The following FAM169A variants were observed in gnomAD, a reference collection of about 807,000 sequenced individuals.
FAM169A encodes family with sequence similarity 169 member A.
In FAM169A, 24 loss-of-function variants were observed where a neutral mutation model predicts 75.7. The observed-to-expected ratio is 0.32, with a 90% CI of 0.23 to 0.45. The LOEUF is 0.45. Ranked by LOEUF, FAM169A falls within the 20% of genes least tolerant of loss-of-function variation. The pLI, the probability that FAM169A is intolerant of heterozygous loss-of-function variation, is 1.00. For missense variants in FAM169A, 673 were observed against 784.0 expected (o/e 0.86, Z 1.69); for synonymous variants, 271 against 271.0 (o/e 1.00, Z 0.00).
chr5:74,858,724 C>A (rs1391437013), intron 1 of FAM169A, among the ~76,000 whole-genome samples: 1 of 151,948 alleles, frequency 6.6e-6, no homozygotes, highest in East Asian at 1.9e-4. Context: ...CATGTCCTCC[C>A]GAACCTAAAA....
rs1335347762 is a variant in FAM169A at position 74,812,564 on chromosome 5, G to A, written c.670+1276C>T. Among the ~76,000 whole-genome samples the A allele has an allele frequency of 3.9e-5, 6 of 151,998 alleles. No homozygotes were observed. In the East Asian group the frequency reaches 1.2e-3, roughly 29 times the overall value. ...GGAGTAACTGAGATAACAGGCATAT[G>A]CCACCATTCCCAGCTTCTTTATTTC... is the stretch of plus-strand genomic sequence containing the variant. On this transcript the variant is annotated intron_variant, in intron 6 of 12. Transcript: ENST00000687041.
At chr5:74,850,197 G>C (rs1749368528) in intron 1 of FAM169A, among the ~76,000 whole-genome samples, 1 of 152,216 alleles carries the variant, frequency 6.6e-6, no homozygotes, top group African/African-American at 2.4e-5. Flanking sequence ...CAAAGTGGCT[G>C]AGTAACTTGT....
intron 10 of FAM169A, chr5:74,799,332 G>A (rs2112521340): frequency 1.2e-6 from 2 of 1,606,190 alleles, no homozygotes; most frequent in East Asian, 2.2e-5. Context: ...AATTTGCTGT[G>A]GGAAGTGAAG....
At chr5:74,862,724 T>G (rs2112756031) in intron 1 of FAM169A, among the ~76,000 whole-genome samples, 1 of 152,348 alleles carries the variant, frequency 6.6e-6, no homozygotes, top group Middle Eastern at 3.4e-3. Flanking sequence ...ATTCTATACC[T>G]GAGAAGTTAC....
chr5:74,818,602 T>C (rs1445225683), intron 5 of FAM169A, among the ~76,000 whole-genome samples: 2 of 109,486 alleles, frequency 1.8e-5, no homozygotes, highest in Admixed American at 1.4e-4. Flanking sequence ...AAAGAGTATA[T>C]ACTGTATGTC....
At chr5:74,799,365 C>T in intron 10 of FAM169A, 2 of 1,611,854 alleles carry the variant, frequency 1.2e-6, no homozygotes, top group Non-Finnish European at 1.7e-6. Flanking sequence ...CAGTTTGTTA[C>T]TTTGAGTCTG....
intron 1 of FAM169A, among the ~76,000 whole-genome samples, chr5:74,859,632 TTATAC>T (rs747460528): frequency 6.6e-6 from 1 of 152,196 alleles, no homozygotes; most frequent in Non-Finnish European, 1.5e-5. Context: ...CAACTTGTGG[TTATAC>T]TATATCTCAT....
At chr5:74,800,019 T>C in intron 10 of FAM169A, 1 of 773,522 alleles carries the variant, frequency 1.3e-6, no homozygotes, top group Non-Finnish European at 2.3e-6. Flanking sequence ...TTGTCGCAAA[T>C]ATTGCACTAC....
In FAM169A at chr5:74,813,826, C is replaced by T. The variant is rs376028818; in HGVS notation, c.670+14G>A. The T allele has an allele frequency of 1.3e-6, 2 of 1,504,932 alleles. No homozygotes were observed. Among genetic ancestry groups the T allele is most frequent in the Non-Finnish European group, 1.8e-6 (2 of 1,129,230 alleles). 93.2% of individuals were successfully genotyped at this position (1,504,932 alleles called of 1,614,324 possible). On this transcript the variant is annotated intron_variant, in intron 6 of 12. Coordinates refer to ENST00000687041, the MANE Select transcript of FAM169A (RefSeq NM_001376049.1). ...CAAAGACAAGTTTATTATTTTTTAA[C>T]TTAGTCCATTTACCTGTATACATGA...
chr5:74,789,842 C>T (rs1187031355), intron 11 of FAM169A, among the ~76,000 whole-genome samples: 3 of 152,240 alleles, frequency 2.0e-5, no homozygotes, highest in Non-Finnish European at 2.9e-5. Context: ...CAAGGCCCTG[C>T]CATCTTCTGC....
chr5:74,779,584 G>A lies in FAM169A; in HGVS notation c.*1876C>T, dbSNP rs1745307694. On this transcript the variant is annotated 3_prime_UTR_variant, in exon 13 of 13. Transcript: ENST00000687041. ...AGTTTCTCATAAAATGTATAAAACA[G>A]CATAAATGTTTGGTAGATTCACTAA... 6.6e-6 allele frequency: 1 copy of A among 151,348 alleles called. No individual in the cohort carries two copies. Among genetic ancestry groups the A allele is most frequent in the Non-Finnish European group, 1.5e-5 (1 of 67,856 alleles). The allele number at this position is 151,348 out of a possible 1,614,324, so 9.4% of individuals were successfully genotyped here. A position where few individuals can be genotyped will look rare whatever the true frequency, so the allele number is the denominator to read the frequency against.
intron 3 of FAM169A, among the ~76,000 whole-genome samples, chr5:74,839,822 C>A (rs1001236185): frequency 6.6e-6 from 1 of 152,126 alleles, no homozygotes. Context: ...CCGTGCCTGG[C>A]TATGAGAGTC....
At chr5:74,794,969 C>A (rs1746192061) in intron 11 of FAM169A, among the ~76,000 whole-genome samples, 2 of 151,260 alleles carry the variant, frequency 1.3e-5, no homozygotes, top group African/African-American at 4.8e-5. Flanking sequence ...CTTAAGAAAA[C>A]AAAATTAGCT....
At position 74,778,148 on chromosome 5, in the gene FAM169A, A is replaced by G. The variant is rs967440837; in HGVS notation, c.*3312T>C. ...TTTAGAACCAAAAATACTATCTTGT[A>G]AGGTACAAAGAAAGCTTGATATTAA... On this transcript the variant is annotated 3_prime_UTR_variant, in exon 13 of 13. Coordinates refer to ENST00000687041, the MANE Select transcript of FAM169A (RefSeq NM_001376049.1). 5.9e-5 allele frequency: 9 copies of G among 152,080 alleles called. No homozygotes were observed. The highest frequency in any genetic ancestry group is 2.2e-4 in the African/African-American group (9 of 41,468). 9.4% of individuals were successfully genotyped at this position (152,080 alleles called of 1,614,324 possible).
In FAM169A at chr5:74,807,472, AG is replaced by A. The variant is rs552571091; in HGVS notation, c.671-2189del. On this transcript the variant is annotated intron_variant, in intron 6 of 12. Coordinates refer to ENST00000687041, the MANE Select transcript of FAM169A (RefSeq NM_001376049.1). ...TACCACATATCATTAGCAAAGGAAA[AG>A]ATAAAAATTCAAATGACTGTTTCTA... is the stretch of plus-strand genomic sequence containing the variant. Among the ~76,000 whole-genome samples, 11 of 152,324 alleles carry A rather than the reference AG, an allele frequency of 7.2e-5. No homozygotes were observed. In the East Asian group the frequency reaches 1.9e-3, roughly 27 times the overall value.
chr5:74,790,340 C>T (rs909515258), intron 11 of FAM169A, among the ~76,000 whole-genome samples: 8 of 152,140 alleles, frequency 5.3e-5, no homozygotes, highest in African/African-American at 9.7e-5. Flanking sequence ...GGCAGAACTT[C>T]GAGCAGTGCA....
intron 10 of FAM169A, chr5:74,799,831 T>C: frequency 9.4e-7 from 1 of 1,062,098 alleles, no homozygotes; most frequent in Non-Finnish European, 1.5e-6. Context: ...CGTGGCTGCC[T>C]GACCTTTGTC....
rs1745204234 is a variant in FAM169A, at chr5:74,777,947, G to C, written c.*3513C>G. Reference sequence around the variant, plus strand: ...CTAGTTCCTTGGAAATGACGATCCAGGATGATACAATCACTTGATGACAGA... The same window carrying C: ...CTAGTTCCTTGGAAATGACGATCCACGATGATACAATCACTTGATGACAGA... On this transcript the variant is annotated 3_prime_UTR_variant, in exon 13 of 13. Coordinates refer to ENST00000687041, the MANE Select transcript of FAM169A (RefSeq NM_001376049.1). 1 of 151,970 alleles carries C rather than the reference G, an allele frequency of 6.6e-6. No homozygotes were observed. The highest frequency in any genetic ancestry group is 1.5e-5 in the Non-Finnish European group (1 of 67,888). 9.4% of individuals were successfully genotyped at this position (151,970 alleles called of 1,614,324 possible). A position where few individuals can be genotyped will look rare whatever the true frequency, so the allele number is the denominator to read the frequency against.
chr5:74,854,791 T>A (rs1430864051), intron 1 of FAM169A, among the ~76,000 whole-genome samples: 1 of 152,228 alleles, frequency 6.6e-6, no homozygotes, highest in Non-Finnish European at 1.5e-5. Flanking sequence ...AGGATCTCAT[T>A]CCTTTTTATG....
Sources: gnomAD v4.1 joint callset for allele counts (sites outside exome capture counted in the v4.1 genomes callset) on GRCh38, gnomAD v4.1.1 for gene constraint, MANE v1.5 for transcripts, NCBI Gene and HGNC (gene_info 2026-07-23, HGNC 2026-07-21) for gene names.